PRRC2B: variants seen among roughly 807,000 people sequenced by gnomAD.
The protein encoded by PRRC2B is protein PRRC2B.
Under a neutral mutation model 242.3 loss-of-function variants are expected in PRRC2B, and 68 were observed. That is an observed-to-expected ratio of 0.28 (90% CI 0.23 to 0.34). The LOEUF (loss-of-function observed/expected upper bound fraction) is 0.34, where lower values mean the gene tolerates loss of function less well. Ranked by LOEUF, PRRC2B falls within the 10% of genes least tolerant of loss-of-function variation. The pLI is 1.00. For synonymous variants in PRRC2B, 1,228 were observed against 1,173.6 expected (o/e 1.05, Z -0.95); for missense variants, 2,835 against 2,954.8 (o/e 0.96, Z 0.94).
At position 131,465,965 on chromosome 9, in the gene PRRC2B, T is replaced by C. The variant is rs150927929; in HGVS notation, c.1720+887T>C. Among the ~76,000 whole-genome samples the C allele has an allele frequency of 4.1e-3, 626 of 152,330 alleles. 3 individuals carry two copies. The highest frequency in any genetic ancestry group is 0.014 in the African/African-American group (574 of 41,568). On this transcript the variant is annotated intron_variant, in intron 12 of 31. Coordinates refer to ENST00000683519, the MANE Select transcript of PRRC2B (RefSeq NM_013318.4). ...GTTTGGAACTCCTGGCCTCAAGTGA[T>C]CCACCTGGCTTGGCCTCCCAAAGTG...
In PRRC2B at chr9:131,494,015, C is replaced by G. The variant is rs1340023560; in HGVS notation, c.6474-390C>G. 6.6e-6 allele frequency among the ~76,000 whole-genome samples: 1 copy of G among 152,242 alleles called. No individual in the cohort carries two copies. The highest frequency in any genetic ancestry group is 1.5e-5 in the Non-Finnish European group (1 of 68,048). ...GACTAGAACAATACTCGGCACAGTT[C>G]TGGCTCAGCGTCAGGCTTCTAGGCC... is the stretch of plus-strand genomic sequence containing the variant. On this transcript the variant is annotated intron_variant, in intron 30 of 31. Coordinates refer to ENST00000683519, the MANE Select transcript of PRRC2B (RefSeq NM_013318.4). The surrounding 1 kb of genome is among the most constrained non-coding windows in gnomAD (Gnocchi z 4.3).
chr9:131,480,496 A>T (rs530922481), intron 19 of PRRC2B, among the ~76,000 whole-genome samples: 3 of 151,972 alleles, frequency 2.0e-5, no homozygotes, highest in East Asian at 3.9e-4. Context: ...GTGAGTCATC[A>T]TCCCCTTTTG....
At chr9:131,483,665 T>A (rs1385513142) in intron 23 of PRRC2B, among the ~76,000 whole-genome samples, 1 of 152,222 alleles carries the variant, frequency 6.6e-6, no homozygotes, top group African/African-American at 2.4e-5. Context: ...TTTGGCTCTC[T>A]TTGGTTCCAT....
Position 131,446,974 on chromosome 9 carries a change from T to C in PRRC2B, c.856-111T>C. ...AGGATTAATTAGGAAACCCCATGAC[T>C]TTCCTGTTTCTTTTTCCCATTTTCC... On this transcript the variant is annotated intron_variant, in intron 7 of 31. Transcript: ENST00000683519. This position sits in a 1 kb window ranked among gnomAD's most constrained non-coding sequence, Gnocchi z 4.1. The C allele has an allele frequency of 7.1e-7, 1 of 1,408,414 alleles. No individual in the cohort carries two copies. The highest frequency in any genetic ancestry group is 1.8e-4 in the Middle Eastern group (1 of 5,508). 87.2% of individuals were successfully genotyped at this position (1,408,414 alleles called of 1,614,324 possible).
Position 131,479,304 on chromosome 9 carries a change from A to C in PRRC2B, c.4811A>C (p.Lys1604Thr). The C allele has an allele frequency of 6.2e-7, 1 of 1,613,902 alleles. No individual in the cohort carries two copies. Among genetic ancestry groups the C allele is most frequent in the Non-Finnish European group, 8.5e-7 (1 of 1,179,844 alleles). Residue 1604 changes from lysine to threonine, a missense_variant, in exon 19 of 32, where the codon AAA (lysine) becomes ACA (threonine). Lys to Thr is a moderately conservative substitution (Grantham distance 78). Transcript: ENST00000683519. The stretch of plus-strand genomic sequence containing the variant: ...TCCCGTATTCCTCCTCGATTTGCAA[A>C]AAAGCAGAACAACTTATGTCTGGAG... Reference protein sequence around the residue: ...LSSRIPPRFAKKQNNLCLEQG... With the variant: ...LSSRIPPRFATKQNNLCLEQG...
rs374019012 is a variant in PRRC2B, at chr9:131,482,448, G to A, written c.5061G>A (p.Ser1687=). The A allele has an allele frequency of 1.1e-5, 18 of 1,608,994 alleles. No homozygotes were observed. The highest frequency in any genetic ancestry group is 1.5e-5 in the Non-Finnish European group (18 of 1,175,682). The stretch of plus-strand genomic sequence containing the variant: ...CTCGGGAGTCGTCTGCGACCTCCTC[G>A]CAGCGCAGCTCCCCATATGGGACTC... ...AESRESSATS[S]QRSSPYGTLK... The change falls in exon 21 of 32, where the codon TCG becomes TCA. Residue 1687 remains serine (S), a synonymous_variant. Coordinates refer to ENST00000683519, the MANE Select transcript of PRRC2B (RefSeq NM_013318.4). This position sits in a 1 kb window ranked among gnomAD's most constrained non-coding sequence, Gnocchi z 5.2.
Position 131,495,905 on chromosome 9 carries a change from A to G in PRRC2B, c.*31A>G, listed in dbSNP as rs1355064421. ...CCTGGCTGCCACCTCGCCTCTCCCT[A>G]CTGAGGACGGTGCCGCCATGCGGCC... On this transcript the variant is annotated 3_prime_UTR_variant, in exon 32 of 32. Transcript: ENST00000683519. 6.3e-7 allele frequency: 1 copy of G among 1,589,910 alleles called. No homozygotes were observed. Among genetic ancestry groups the G allele is most frequent in the Non-Finnish European group, 8.6e-7 (1 of 1,162,496 alleles).
chr9:131,383,511 G>A (rs965148314), intron 1 of PRRC2B, among the ~76,000 whole-genome samples: 2 of 152,096 alleles, frequency 1.3e-5, no homozygotes, highest in African/African-American at 4.8e-5. Context: ...CCCAGCTTAG[G>A]CTGTGTCTGG....
intron 22 of PRRC2B, 56 bp from the exon 23 acceptor site, chr9:131,483,303 G>A: frequency 6.7e-7 from 1 of 1,501,260 alleles, no homozygotes; most frequent in Non-Finnish European, 9.3e-7. Flanking sequence ...ATGCCTCTGG[G>A]GAATGTAGGG....
intron 1 of PRRC2B, among the ~76,000 whole-genome samples, chr9:131,384,303 G>A (rs1055406295): frequency 6.9e-6 from 1 of 144,622 alleles, no homozygotes; most frequent in East Asian, 2.0e-4. Context: ...TTTTATTTGA[G>A]GTGGAGTCTC....
intron 9 of PRRC2B, among the ~76,000 whole-genome samples, chr9:131,452,851 A>G: frequency 6.6e-6 from 1 of 152,212 alleles, no homozygotes; most frequent in Middle Eastern, 3.2e-3. Flanking sequence ...CTAGGATATG[A>G]TCTGTCTTGG....
At chr9:131,457,280 C>T (rs1345597585) in intron 10 of PRRC2B, among the ~76,000 whole-genome samples, 2 of 152,280 alleles carry the variant, frequency 1.3e-5, no homozygotes, top group Non-Finnish European at 2.9e-5. Context: ...GAGCTGTGAT[C>T]AAGAATTAAA....
chr9:131,490,735 C>T, intron 28 of PRRC2B: 1 of 386,992 alleles, frequency 2.6e-6, no homozygotes, highest in South Asian at 1.9e-5. Flanking sequence ...GGAATCCAGC[C>T]CAGTCTTGTT....
rs962778095 is a variant in PRRC2B, at chr9:131,473,435, C to T, written c.2108-73C>T. 73 of 1,177,870 alleles carry T rather than the reference C, an allele frequency of 6.2e-5. No individual in the cohort carries two copies. The African/African-American group carries it at 1.1e-3, about 17-fold the overall frequency. The allele number at this position is 1,177,870 out of a possible 1,614,324, so 73.0% of individuals were successfully genotyped here. A position where few individuals can be genotyped will look rare whatever the true frequency, so the allele number is the denominator to read the frequency against. On this transcript the variant is annotated intron_variant, in intron 14 of 31. Coordinates refer to ENST00000683519, the MANE Select transcript of PRRC2B (RefSeq NM_013318.4). ...CAGGGTAACTGTTAACTTCTTTGGG[C>T]CTTTGGTTGACCCTGAGATTGGAGC...
intron 1 of PRRC2B, among the ~76,000 whole-genome samples, chr9:131,382,999 G>A (rs1449546998): frequency 6.6e-6 from 1 of 152,082 alleles, no homozygotes; most frequent in Non-Finnish European, 1.5e-5. Flanking sequence ...CACATCTCTA[G>A]TGGCTACCAG....
At chr9:131,373,693 G>T (rs938277179) in exon 1 of PRRC2B, 2 of 152,294 alleles carry the variant, frequency 1.3e-5, no homozygotes, top group African/African-American at 4.8e-5. Context: ...GTGCGTGAGG[G>T]AGGGTGGGTG....
intron 18 of PRRC2B, 30 bp downstream of exon 18, chr9:131,478,649 G>GGGGGGGGGGGGGCCCAGGGCC: frequency 2.0e-6 from 1 of 504,560 alleles, no homozygotes; most frequent in Non-Finnish European, 4.0e-6. Flanking sequence ...GGGGCATGGG[G>GGGGGGGGGGGGGCCCAGGGCC]CTGGAGGGCA....
At chr9:131,399,578 G>GA (rs1351101759) in intron 1 of PRRC2B, among the ~76,000 whole-genome samples, 3 of 151,376 alleles carry the variant, frequency 2.0e-5, no homozygotes, top group South Asian at 4.2e-4. Context: ...GACTCCATCT[G>GA]AAAAAAAAGG....
At chr9:131,414,525 TAC>T (rs1837590101) in intron 1 of PRRC2B, among the ~76,000 whole-genome samples, 1 of 150,682 alleles carries the variant, frequency 6.6e-6, no homozygotes, top group South Asian at 2.1e-4. Flanking sequence ...ATCCTGTTTT[TAC>T]CAGGACTGTT....
Sources: allele counts gnomAD v4.1 joint callset (sites outside exome capture counted in the v4.1 genomes callset), GRCh38; gene constraint gnomAD v4.1.1; non-coding constraint Gnocchi (gnomAD v3.1); transcripts MANE v1.5; gene names NCBI Gene and HGNC (gene_info 2026-07-23, HGNC 2026-07-21).